The following AXDND1 variants were observed in gnomAD, a reference collection of about 807,000 sequenced individuals.
The protein encoded by AXDND1 is axonemal dynein light chain domain-containing protein 1.
AXDND1 carries 110 observed loss-of-function variants against 137.5 expected under a neutral mutation model. The ratio of observed to expected loss-of-function variants is 0.80; its 90% CI spans 0.69 to 0.94. The LOEUF (loss-of-function observed/expected upper bound fraction) is 0.94, where lower values mean the gene tolerates loss of function less well. Ranked by LOEUF, AXDND1 falls within the 40% of genes least tolerant of loss-of-function variation. The probability of loss-of-function intolerance (pLI) is 0.00; values close to 1 mark genes in which losing one functional copy is unlikely to be tolerated. For missense variants in AXDND1, 1,191 were observed against 1,169.8 expected, an observed-to-expected ratio of 1.02 and a Z score of -0.26; for synonymous variants, 414 against 399.7, an observed-to-expected ratio of 1.04 and a Z score of -0.43.
chr1:179,547,833 C>T (rs1377252318), intron 25 of AXDND1, among the ~76,000 whole-genome samples: 1 of 152,128 alleles, frequency 6.6e-6, no homozygotes, highest in Non-Finnish European at 1.5e-5. Flanking sequence ...CTGACAGATC[C>T]TGGAGTTCAC....
intron 21 of AXDND1, among the ~76,000 whole-genome samples, chr1:179,517,303 CCTA>C (rs1669638140): frequency 6.6e-6 from 1 of 152,164 alleles, no homozygotes; most frequent in Non-Finnish European, 1.5e-5. Context: ...CCACCATGCC[CCTA>C]CTAACAGCCT....
At chr1:179,435,977 T>C (rs948190579) in intron 15 of AXDND1, among the ~76,000 whole-genome samples, 9 of 151,216 alleles carry the variant, frequency 6.0e-5, no homozygotes, top group Non-Finnish European at 1.2e-4. Flanking sequence ...ATAAGGAACT[T>C]AAACAAATTT....
chr1:179,522,029 T>C (rs1049715213), intron 21 of AXDND1, among the ~76,000 whole-genome samples: 1 of 152,142 alleles, frequency 6.6e-6, no homozygotes, highest in African/African-American at 2.4e-5. Flanking sequence ...GAATCTTTAA[T>C]TTGGTATCTT....
At chr1:179,418,546 C>T (rs377394165) in intron 12 of AXDND1, among the ~76,000 whole-genome samples, 12 of 151,272 alleles carry the variant, frequency 7.9e-5, no homozygotes, top group Non-Finnish European at 1.6e-4. Context: ...GAGGGGCTCC[C>T]CACTTCCCAG....
At chr1:179,401,068 G>C (rs1384253476) in intron 11 of AXDND1, among the ~76,000 whole-genome samples, 1 of 151,452 alleles carries the variant, frequency 6.6e-6, no homozygotes. Flanking sequence ...AGACCAGCCT[G>C]ACCAACATGG....
At chr1:179,492,753 T>G (rs1667056036) in intron 19 of AXDND1, 102 bp from the exon 20 acceptor site, 3 of 719,354 alleles carry the variant, frequency 4.2e-6, no homozygotes, top group Non-Finnish European at 6.5e-6. Context: ...TTTGTCTGGA[T>G]TTTTAAAATT....
chr1:179,385,773 G>A (rs1649097303), intron 9 of AXDND1, among the ~76,000 whole-genome samples: 1 of 152,184 alleles, frequency 6.6e-6, no homozygotes, highest in South Asian at 2.1e-4. Context: ...AGTGAGGCAG[G>A]TTAAGTAGGC....
intron 23 of AXDND1, 37 bp downstream of exon 23, chr1:179,528,468 A>G (rs747982145): frequency 9.2e-6 from 13 of 1,410,086 alleles, no homozygotes; most frequent in Admixed American, 6.8e-5. Flanking sequence ...ATTCAACACT[A>G]TTTAACATTG....
intron 11 of AXDND1, among the ~76,000 whole-genome samples, chr1:179,399,814 C>T (rs1310470579): frequency 1.3e-5 from 2 of 152,100 alleles, no homozygotes; most frequent in Non-Finnish European, 2.9e-5. Context: ...GGGCAACAAA[C>T]ATATGAAAAA....
intron 16 of AXDND1, among the ~76,000 whole-genome samples, chr1:179,466,474 G>A (rs1663217097): frequency 6.6e-6 from 1 of 151,128 alleles, no homozygotes; most frequent in Admixed American, 6.6e-5. Flanking sequence ...TTTCTTTAGT[G>A]TGTTAGTTTA....
At chr1:179,424,763 T>C (rs1656313651) in intron 12 of AXDND1, among the ~76,000 whole-genome samples, 2 of 152,134 alleles carry the variant, frequency 1.3e-5, no homozygotes, top group East Asian at 3.9e-4. Context: ...TTTTCTCCTC[T>C]GATTGTGTAC....
intron 15 of AXDND1, among the ~76,000 whole-genome samples, chr1:179,434,735 C>T (rs1000606886): frequency 6.6e-6 from 1 of 152,180 alleles, no homozygotes; most frequent in Admixed American, 6.5e-5. Context: ...GTCAAACCCA[C>T]AGCCAATATC....
At chr1:179,412,235 T>C (rs967862337) in intron 12 of AXDND1, among the ~76,000 whole-genome samples, 1 of 152,206 alleles carries the variant, frequency 6.6e-6, no homozygotes, top group Non-Finnish European at 1.5e-5. Flanking sequence ...AGTAATACTT[T>C]AGGGAAATAG....
At chr1:179,491,027 T>C (rs1411115161) in intron 18 of AXDND1, among the ~76,000 whole-genome samples, 1 of 152,178 alleles carries the variant, frequency 6.6e-6, no homozygotes, top group East Asian at 1.9e-4. Flanking sequence ...ATGGCCAGGC[T>C]AAAGAAGAGA....
intron 12 of AXDND1, among the ~76,000 whole-genome samples, chr1:179,416,313 C>A: frequency 6.6e-6 from 1 of 152,116 alleles, no homozygotes; most frequent in East Asian, 1.9e-4. Flanking sequence ...GGTTTATATA[C>A]TGTGTTTTCA....
intron 18 of AXDND1, among the ~76,000 whole-genome samples, chr1:179,488,909 A>G (rs1394448478): frequency 6.9e-6 from 1 of 144,350 alleles, no homozygotes; most frequent in Admixed American, 6.8e-5. Context: ...CAATTTTTGT[A>G]TTTTTAGTAG....
Position 179,488,630 on chromosome 1 carries a change from CTCTCCTTTCTTTCTT to C in AXDND1, c.2092-2904_2092-2890del, listed in dbSNP as rs1262895587. Among the ~76,000 whole-genome samples the C allele has an allele frequency of 1.1e-3, 69 of 60,130 alleles. 2 individuals carry two copies. In the East Asian group the frequency reaches 0.021, roughly 18 times the overall value. The allele number at this position is 60,130 out of a possible 152,430, so 39.4% of individuals were successfully genotyped here. A position where few individuals can be genotyped will look rare whatever the true frequency, so the allele number is the denominator to read the frequency against. On this transcript the variant is annotated intron_variant, in intron 18 of 25. Coordinates refer to ENST00000367618, the MANE Select transcript of AXDND1 (RefSeq NM_144696.6). ...TTTCTTTCTTTCTTTCTCTCTCTCTCTCTCCTTTCTTTCTTTCTTTCTTTCTTTCTTTCTTTCTTT... is the reference window on the plus strand; with the variant it reads ...TTTCTTTCTTTCTTTCTCTCTCTCTCTCTTTCTTTCTTTCTTTCTTTCTTT...
chr1:179,383,506 G>T lies in AXDND1; in HGVS notation c.703G>T (p.Ala235Ser). The change falls in exon 8 of 26, where the codon GCT becomes TCT. Residue 235 changes from alanine to serine, a missense_variant. Physicochemically the swap from Ala to Ser is moderately conservative, Grantham distance 99 (BLOSUM62 1). Transcript: ENST00000367618. ...NDVMDTMLER[A>S]GVENQEYTGP... ...TGTGATGGATACTATGCTAGAGAGG[G>T]CTGGTGTGGAAAATCAGGAATATAC... 6.2e-7 allele frequency: 1 copy of T among 1,614,036 alleles called. No individual in the cohort carries two copies. Among genetic ancestry groups the T allele is most frequent in the Non-Finnish European group, 8.5e-7 (1 of 1,179,926 alleles).
At chr1:179,510,649 A>C (rs1668953619) in intron 21 of AXDND1, among the ~76,000 whole-genome samples, 2 of 152,220 alleles carry the variant, frequency 1.3e-5, no homozygotes, top group South Asian at 4.1e-4. Flanking sequence ...TATCAGATCT[A>C]GGAAAAAATC....
Sources: gnomAD v4.1 joint callset for allele counts (sites outside exome capture counted in the v4.1 genomes callset) on GRCh38, gnomAD v4.1.1 for gene constraint, MANE v1.5 for transcripts, NCBI Gene and HGNC (gene_info 2026-07-23, HGNC 2026-07-21) for gene names.